The following SCARA3 variants were observed in gnomAD, a reference collection of about 807,000 sequenced individuals.
The protein encoded by SCARA3 is cellular stress response gene protein.
SCARA3 carries 39 observed loss-of-function variants against 47.0 expected under a neutral mutation model. That is an observed-to-expected ratio of 0.83 (90% CI 0.64 to 1.08). The LOEUF is 1.08. SCARA3 is among the 50% of genes least tolerant of loss of function. SCARA3 has a pLI of 0.00. For missense variants in SCARA3, 724 were observed against 792.3 expected (o/e 0.91, Z 1.04); for synonymous variants, 356 against 334.1 (o/e 1.07, Z -0.71).
At chr8:27,636,633 C>T (rs576737638) in intron 1 of SCARA3, among the ~76,000 whole-genome samples, 1 of 152,292 alleles carries the variant, frequency 6.6e-6, no homozygotes, top group South Asian at 2.1e-4. Flanking sequence ...TCCTCCTTTC[C>T]CTTGGATCCC....
At chr8:27,715,678 CAGAT>C in the SCARA3 span, among the ~76,000 whole-genome samples, 1 of 151,764 alleles carries the variant, frequency 6.6e-6, no homozygotes, top group East Asian at 1.9e-4. The surrounding 1 kb of genome is among the most constrained non-coding windows in gnomAD (Gnocchi z 4.2). Context: ...GACAGACTGA[CAGAT>C]AGATGATTGA....
At chr8:27,695,863 A>G in the SCARA3 span, among the ~76,000 whole-genome samples, 17 of 152,156 alleles carry the variant, frequency 1.1e-4, no homozygotes, top group African/African-American at 3.9e-4. Context: ...AGAAAAATAA[A>G]CAGAACTTCA....
the SCARA3 span, among the ~76,000 whole-genome samples, chr8:27,687,784 A>G: frequency 6.6e-6 from 1 of 152,086 alleles, no homozygotes; most frequent in Non-Finnish European, 1.5e-5. Flanking sequence ...TGGGAGGCCA[A>G]GGCAGGTGGA....
chr8:27,659,959 C>T (rs1456983456), intron 5 of SCARA3, among the ~76,000 whole-genome samples: 1 of 149,824 alleles, frequency 6.7e-6, no homozygotes, highest in Non-Finnish European at 1.5e-5. Flanking sequence ...CTAACTTTGC[C>T]TATTATACAA....
intron 1 of SCARA3, among the ~76,000 whole-genome samples, chr8:27,642,956 TG>T (rs895343389): frequency 4.0e-5 from 6 of 151,384 alleles, no homozygotes; most frequent in African/African-American, 1.5e-4. Flanking sequence ...GTGTAAGTAA[TG>T]GGGGGAGTCT....
intron 5 of SCARA3, among the ~76,000 whole-genome samples, chr8:27,666,445 A>G (rs939590753): frequency 6.6e-6 from 1 of 152,142 alleles, no homozygotes; most frequent in Admixed American, 6.5e-5. Flanking sequence ...AAACTAGTCC[A>G]TCGTAAGCAG....
the SCARA3 span, among the ~76,000 whole-genome samples, chr8:27,685,148 G>A: frequency 1.3e-5 from 2 of 152,008 alleles, 1 homozygote; most frequent in African/African-American, 4.8e-5. Flanking sequence ...CAATGGAAAA[G>A]GTGACATTAA....
rs775719440 is a variant in SCARA3 at position 27,665,622 on chromosome 8, C to T, written c.1370-5278C>T. Among the ~76,000 whole-genome samples the T allele has an allele frequency of 3.3e-5, 5 of 152,314 alleles. 1 individual carries two copies. The highest frequency in any genetic ancestry group is 3.9e-4 in the East Asian group (2 of 5,186). On this transcript the variant is annotated intron_variant, in intron 5 of 5. Transcript: ENST00000301904. Reference sequence around the variant, plus strand: ...CGGGCTCAAGCAATCCACCCACCTTCGGCCTCCCAAAGTGCTGGGATTACA... The same window carrying T: ...CGGGCTCAAGCAATCCACCCACCTTTGGCCTCCCAAAGTGCTGGGATTACA...
chr8:27,670,823 C>A, intron 5 of SCARA3, 77 bp from the exon 6 acceptor site: 2 of 1,260,032 alleles, frequency 1.6e-6, no homozygotes, highest in Non-Finnish European at 2.2e-6. Context: ...TGTCGCCGTG[C>A]CCGCTCTGCT....
intron 2 of SCARA3, among the ~76,000 whole-genome samples, chr8:27,650,076 T>C (rs1801600043): frequency 1.3e-5 from 2 of 152,346 alleles, no homozygotes; most frequent in South Asian, 4.1e-4. Flanking sequence ...CACTGCAGCC[T>C]CAAATTCCTG....
chr8:27,731,579 T>C, the SCARA3 span, among the ~76,000 whole-genome samples: 1 of 146,976 alleles, frequency 6.8e-6, no homozygotes, highest in Non-Finnish European at 1.5e-5. Flanking sequence ...GAGACGGAGG[T>C]TGCAGTGAGC....
At chr8:27,726,238 T>C in the SCARA3 span, among the ~76,000 whole-genome samples, 1 of 152,048 alleles carries the variant, frequency 6.6e-6, no homozygotes, top group African/African-American at 2.4e-5. Context: ...AAGACCTGCA[T>C]CTACACAATT....
At chr8:27,725,529 C>CAA in the SCARA3 span, among the ~76,000 whole-genome samples, 58,372 of 141,248 alleles carry the variant, frequency 0.41, 12,049 homozygotes, top group East Asian at 0.63. Flanking sequence ...CTGCCCCCTC[C>CAA]AAAAAAAAAA....
At chr8:27,733,975 C>T in the SCARA3 span, 5 of 152,180 alleles carry the variant, frequency 3.3e-5, no homozygotes, top group Non-Finnish European at 7.3e-5. Context: ...TGGGGAAAAC[C>T]GCTGGCACTG....
At chr8:27,649,398 C>T (rs1416189322) in intron 1 of SCARA3, among the ~76,000 whole-genome samples, 1 of 152,236 alleles carries the variant, frequency 6.6e-6, no homozygotes, top group Admixed American at 6.5e-5. Flanking sequence ...CTTATTTCTC[C>T]TTACTCCACC....
At chr8:27,652,927 G>T (rs1801663494) in intron 3 of SCARA3, among the ~76,000 whole-genome samples, 1 of 152,310 alleles carries the variant, frequency 6.6e-6, no homozygotes, top group African/African-American at 2.4e-5. Flanking sequence ...GGGGATTCCA[G>T]TCCGCAGCTA....
At chr8:27,704,807 C>T in the SCARA3 span, among the ~76,000 whole-genome samples, 167 of 152,272 alleles carry the variant, frequency 1.1e-3, no homozygotes, top group Non-Finnish European at 1.6e-3. Flanking sequence ...ATTTCAGAAG[C>T]GTCATGCCTA....
the SCARA3 span, among the ~76,000 whole-genome samples, chr8:27,698,127 A>T: frequency 6.6e-6 from 1 of 152,364 alleles, no homozygotes; most frequent in South Asian, 2.1e-4. Flanking sequence ...ATGAAAGCTC[A>T]CAGAATTCAT....
At position 27,656,878 on chromosome 8, in the gene SCARA3, T is replaced by G; in HGVS notation, c.323T>G (p.Leu108Arg). Residue 108 changes from leucine to arginine, a missense_variant and splice_region_variant, in exon 4 of 6, where the codon CTG (leucine) becomes CGG (arginine). Transcript: ENST00000301904. Reference protein sequence around the residue: ...LVLMQKNLQGLDPKALNNCSF... With the variant: ...LVLMQKNLQGRDPKALNNCSF... ...TTAATGCAGAAAAATCTCCAGGGCCTGGGTAAGTAGATGGGCTGATGACTG... is the reference window on the plus strand; with the variant it reads ...TTAATGCAGAAAAATCTCCAGGGCCGGGGTAAGTAGATGGGCTGATGACTG... 1.3e-6 allele frequency: 2 copies of G among 1,583,294 alleles called. No homozygotes were observed. The highest frequency in any genetic ancestry group is 1.7e-6 in the Non-Finnish European group (2 of 1,151,862).
Sources: gnomAD v4.1 joint callset for allele counts (sites outside exome capture counted in the v4.1 genomes callset) on GRCh38, gnomAD v4.1.1 for gene constraint, Gnocchi (gnomAD v3.1) non-coding constraint, MANE v1.5 for transcripts, NCBI Gene and HGNC (gene_info 2026-07-23, HGNC 2026-07-21) for gene names.